Variants in HOOK1 observed in about 807,000 individuals in gnomAD.
HOOK1 encodes hook microtubule tethering protein 1, also known as protein Hook homolog 1.
A neutral mutation model predicts 112.8 loss-of-function variants in HOOK1; 60 were observed. The observed-to-expected ratio is 0.53, with a 90% confidence interval of 0.43 to 0.66. The LOEUF (loss-of-function observed/expected upper bound fraction) is 0.66, where lower values mean the gene tolerates loss of function less well. Among genes scored for constraint, HOOK1 ranks in the 30% least tolerant of loss-of-function variants. The pLI, the probability that HOOK1 is intolerant of heterozygous loss-of-function variation, is 0.00. For synonymous variants in HOOK1, 294 were observed against 283.8 expected (o/e 1.04, Z -0.36); for missense variants, 770 against 856.0 (o/e 0.90, Z 1.25).
At chr1:59,872,693 C>G in intron 21 of HOOK1, 102 bp from the exon 22 acceptor site, 2 of 670,350 alleles carry the variant, frequency 3.0e-6, no homozygotes, top group Non-Finnish European at 4.3e-6. Flanking sequence ...AAAGCCTTAG[C>G]TTTATAGGTT....
At chr1:59,869,154 A>T (rs1644015120) in intron 20 of HOOK1, among the ~76,000 whole-genome samples, 1 of 151,836 alleles carries the variant, frequency 6.6e-6, no homozygotes, top group Non-Finnish European at 1.5e-5. Context: ...TGAATTCTAC[A>T]TACTGGCCTT....
rs1163896563 is a variant in HOOK1, at chr1:59,876,046, C to T, written c.*3081C>T. On this transcript the variant is annotated 3_prime_UTR_variant, in exon 22 of 22. Transcript: ENST00000371208. ...CACTAAATGTGTATTTAATGAGAAA[C>T]ATTCCTATGTAAAAATGTGTGTATG... 6.6e-6 allele frequency: 1 copy of T among 152,618 alleles called. No individual in the cohort carries two copies. Among genetic ancestry groups the T allele is most frequent in the Non-Finnish European group, 1.5e-5 (1 of 68,038 alleles). 9.5% of individuals were successfully genotyped at this position (152,618 alleles called of 1,614,324 possible).
intron 16 of HOOK1, among the ~76,000 whole-genome samples, chr1:59,863,332 A>C (rs1333149609): frequency 6.6e-6 from 1 of 152,184 alleles, no homozygotes; most frequent in African/African-American, 2.4e-5. Flanking sequence ...TTCTACCTAA[A>C]GAGCATGCCA....
intron 6 of HOOK1, among the ~76,000 whole-genome samples, chr1:59,836,136 C>G (rs2098397487): frequency 6.6e-6 from 1 of 151,824 alleles, no homozygotes; most frequent in Non-Finnish European, 1.5e-5. Flanking sequence ...AATGTTAGAT[C>G]TGTGAGCAAA....
At position 59,815,025 on chromosome 1, in the gene HOOK1, G is replaced by T. The variant is rs966544561; in HGVS notation, c.-93G>T. 7 of 1,316,630 alleles carry T rather than the reference G, an allele frequency of 5.3e-6. No homozygotes were observed. In the East Asian group the frequency reaches 1.8e-4, roughly 33 times the overall value. 81.6% of individuals were successfully genotyped at this position (1,316,630 alleles called of 1,614,324 possible). ...TCGGGCCTGGTACCGAGCTTTCCTG[G>T]GGGCTAGCAGGTCGTGGACGCCGGC... On this transcript the variant is annotated 5_prime_UTR_variant, in exon 1 of 22. Coordinates refer to ENST00000371208, the MANE Select transcript of HOOK1 (RefSeq NM_015888.6).
At position 59,815,002 on chromosome 1, in the gene HOOK1, G is replaced by C; in HGVS notation, c.-116G>C. 9.4e-7 allele frequency: 1 copy of C among 1,059,638 alleles called. No individual in the cohort carries two copies. Among genetic ancestry groups the C allele is most frequent in the Non-Finnish European group, 1.4e-6 (1 of 723,578 alleles). 65.6% of individuals were successfully genotyped at this position (1,059,638 alleles called of 1,614,324 possible). Reference sequence around the variant, plus strand: ...GGTTCGCGCGTGAGCTGCGCGGGTCGGGCCTGGTACCGAGCTTTCCTGGGG... The same window carrying C: ...GGTTCGCGCGTGAGCTGCGCGGGTCCGGCCTGGTACCGAGCTTTCCTGGGG... On this transcript the variant is annotated 5_prime_UTR_variant, in exon 1 of 22. Coordinates refer to ENST00000371208, the MANE Select transcript of HOOK1 (RefSeq NM_015888.6).
At chr1:59,845,631 A>G (rs1303623564) in intron 9 of HOOK1, among the ~76,000 whole-genome samples, 1 of 151,656 alleles carries the variant, frequency 6.6e-6, no homozygotes, top group Non-Finnish European at 1.5e-5. Context: ...ATTTTTCTGC[A>G]TCTTGAAAAG....
chr1:59,872,782 T>G lies in HOOK1; in HGVS notation c.2017-13T>G, dbSNP rs559865624. The G allele has an allele frequency of 7.2e-6, 10 of 1,381,078 alleles. No individual in the cohort carries two copies. In the African/African-American group the frequency reaches 1.5e-4, roughly 21 times the overall value. The allele number at this position is 1,381,078 out of a possible 1,614,324, so 85.6% of individuals were successfully genotyped here. A position where few individuals can be genotyped will look rare whatever the true frequency, so the allele number is the denominator to read the frequency against. ...GTCATGTTAAATAAAAAATATATGTTTTTTTTTTTCAGAGTCTAGCATTCC... is the reference window on the plus strand; with the variant it reads ...GTCATGTTAAATAAAAAATATATGTGTTTTTTTTTCAGAGTCTAGCATTCC... On this transcript the variant is annotated splice_polypyrimidine_tract_variant and intron_variant, in intron 21 of 21. Transcript: ENST00000371208.
intron 3 of HOOK1, among the ~76,000 whole-genome samples, chr1:59,831,116 G>A (rs372514924): frequency 1.3e-5 from 2 of 152,048 alleles, no homozygotes; most frequent in East Asian, 1.9e-4. Flanking sequence ...GGCCAGGCTG[G>A]TCTTGAACTC....
chr1:59,826,009 T>G (rs1383313625), intron 2 of HOOK1, among the ~76,000 whole-genome samples: 2 of 152,146 alleles, frequency 1.3e-5, no homozygotes, highest in African/African-American at 4.8e-5. Context: ...AGAGAAGATT[T>G]CTGGATATTT....
chr1:59,859,280 A>G (rs1574217774), intron 14 of HOOK1, among the ~76,000 whole-genome samples: 1 of 152,224 alleles, frequency 6.6e-6, no homozygotes, highest in East Asian at 1.9e-4. Context: ...TTATAATATG[A>G]CATGACCCCC....
chr1:59,823,068 C>T (rs2098386824), intron 2 of HOOK1, among the ~76,000 whole-genome samples: 2 of 152,196 alleles, frequency 1.3e-5, no homozygotes, highest in African/African-American at 4.8e-5. Context: ...AGCCTGTAAT[C>T]CCAGCACTTC....
intron 3 of HOOK1, among the ~76,000 whole-genome samples, chr1:59,831,820 T>C (rs1040424396): frequency 2.6e-5 from 4 of 152,244 alleles, no homozygotes; most frequent in African/African-American, 9.6e-5. Context: ...CAAACAATTG[T>C]TTAATGTATT....
intron 19 of HOOK1, 66 bp from the exon 20 acceptor site, chr1:59,868,184 G>T (rs1208632224): frequency 3.5e-6 from 3 of 855,214 alleles, no homozygotes; most frequent in Admixed American, 4.6e-5. Context: ...GTTTTTGTAA[G>T]ATATGTTCTA....
Position 59,872,947 on chromosome 1 carries a change from T to G in HOOK1, c.2169T>G (p.Pro723=), listed in dbSNP as rs1644081397. 2 of 1,496,672 alleles carry G rather than the reference T, an allele frequency of 1.3e-6. No homozygotes were observed. The highest frequency in any genetic ancestry group is 5.0e-5 in the East Asian group (2 of 39,604). 92.7% of individuals were successfully genotyped at this position (1,496,672 alleles called of 1,614,324 possible). A position where few individuals can be genotyped will look rare whatever the true frequency, so the allele number is the denominator to read the frequency against. ...GAAGAAATCTCTCTGTTAAAGTCCC[T>G]GCTACAACATCTGATTAAACTGCAA... ...NTRRNLSVKV[P]ATTSD Residue 723 remains proline, a synonymous_variant, in exon 22 of 22, where the codon CCT becomes CCG. Transcript: ENST00000371208.
At chr1:59,840,474 A>G (rs1559050548) in intron 8 of HOOK1, 83 bp downstream of exon 8, 4 of 780,666 alleles carry the variant, frequency 5.1e-6, no homozygotes, top group Non-Finnish European at 7.5e-6. Context: ...AGTTAGCACT[A>G]TGTTTTGTAG....
chr1:59,816,654 A>G (rs185422172), intron 1 of HOOK1, among the ~76,000 whole-genome samples: 2 of 152,302 alleles, frequency 1.3e-5, no homozygotes, highest in East Asian at 1.9e-4. Flanking sequence ...TTGACTTCCA[A>G]TGTTGAGCTA....
At chr1:59,824,950 G>A (rs1017470657) in intron 2 of HOOK1, among the ~76,000 whole-genome samples, 1 of 152,188 alleles carries the variant, frequency 6.6e-6, no homozygotes, top group African/African-American at 2.4e-5. Context: ...CACTTTTGGA[G>A]GCTAGAAGTT....
In HOOK1 at chr1:59,843,610, A is replaced by G; in HGVS notation, c.788+12A>G. On this transcript the variant is annotated intron_variant, in intron 9 of 21. Coordinates refer to ENST00000371208, the MANE Select transcript of HOOK1 (RefSeq NM_015888.6). ...GAAGAAAACTTCAGGTAGCATTTTT[A>G]ATGGAAATCATTTTATGGAGTTCTG... 1.9e-6 allele frequency: 3 copies of G among 1,588,234 alleles called. No individual in the cohort carries two copies. The highest frequency in any genetic ancestry group is 2.3e-5 in the South Asian group (2 of 87,176).
Sources: allele counts gnomAD v4.1 joint callset (sites outside exome capture counted in the v4.1 genomes callset), GRCh38; gene constraint gnomAD v4.1.1; transcripts MANE v1.5; gene names NCBI Gene and HGNC (gene_info 2026-07-23, HGNC 2026-07-21).